The following CROCC2 variants were observed in gnomAD, a reference collection of about 807,000 sequenced individuals.
CROCC2 encodes the protein ciliary rootlet coiled-coil, rootletin family member 2, also known as ciliary rootlet coiled-coil protein 2.
In CROCC2, 163 loss-of-function variants were observed where a neutral mutation model predicts 177.6. The observed-to-expected ratio is 0.92, with a 90% CI of 0.81 to 1.05. The LOEUF (loss-of-function observed/expected upper bound fraction) is 1.05, where lower values mean the gene tolerates loss of function less well. CROCC2 is among the 50% of genes least tolerant of loss of function. The pLI is 0.00. For synonymous variants in CROCC2, 904 were observed against 787.3 expected, an observed-to-expected ratio of 1.15 and a Z score of -2.48; for missense variants, 1,929 against 1,797.8, an observed-to-expected ratio of 1.07 and a Z score of -1.32.
intron 1 of CROCC2, among the ~76,000 whole-genome samples, chr2:240,909,675 A>G (rs2059275303): frequency 1.3e-5 from 2 of 152,136 alleles, no homozygotes; most frequent in Admixed American, 1.3e-4. Flanking sequence ...TCTGCCCCCA[A>G]ATTCCCACTG....
At chr2:240,959,242 C>A (rs772771947) in intron 19 of CROCC2, 59 bp from the exon 20 acceptor site, 186 of 1,531,018 alleles carry the variant, frequency 1.2e-4, no homozygotes, top group Non-Finnish European at 1.5e-4. Context: ...GGCCTTACCT[C>A]ACCCTCCACT....
intron 2 of CROCC2, 104 bp from the exon 3 acceptor site, chr2:240,919,879 G>A (rs1559590003): frequency 1.7e-6 from 1 of 586,824 alleles, no homozygotes; most frequent in Non-Finnish European, 3.1e-6. Flanking sequence ...TCCAGCAGCT[G>A]GAGCCTGGTG....
intron 20 of CROCC2, among the ~76,000 whole-genome samples, chr2:240,962,428 C>A (rs1403331296): frequency 6.6e-6 from 1 of 151,980 alleles, no homozygotes; most frequent in Non-Finnish European, 1.5e-5. Context: ...ACCTTCTGGG[C>A]GGGTTTCTGC....
Position 240,949,543 on chromosome 2 carries a change from G to A in CROCC2, c.2493G>A (p.Glu831=), listed in dbSNP as rs1282356907. ...CCCATCACCCCACAGTGGAAATGGAGCAGCTACAAAGTGACTGGGAGGTCC... is the reference window on the plus strand; with the variant it reads ...CCCATCACCCCACAGTGGAAATGGAACAGCTACAAAGTGACTGGGAGGTCC... ...LARQALQVEM[E]QLQSDWEVQE... is the part of the protein sequence containing the mutation. The change falls in exon 17 of 32, where the codon GAG becomes GAA. Residue 831 remains glutamate, a synonymous_variant. Coordinates refer to ENST00000690015, the MANE Select transcript of CROCC2 (RefSeq NM_001351305.2). This position sits in a 1 kb window ranked among gnomAD's most constrained non-coding sequence, Gnocchi z 4.5. 31 of 1,550,278 alleles carry A rather than the reference G, an allele frequency of 2.0e-5. No homozygotes were observed. The highest frequency in any genetic ancestry group is 2.7e-5 in the Non-Finnish European group (31 of 1,146,824).
chr2:240,964,750 T>G, intron 22 of CROCC2, 125 bp downstream of exon 22: 1 of 1,222,200 alleles, frequency 8.2e-7, no homozygotes, highest in East Asian at 2.6e-5. Flanking sequence ...GTCCCCAGAC[T>G]TTGGGCCACG....
chr2:240,974,534 C>CTTTTT (rs61276773), intron 27 of CROCC2, among the ~76,000 whole-genome samples: 2 of 134,912 alleles, frequency 1.5e-5, no homozygotes, highest in Non-Finnish European at 1.6e-5. Context: ...TCTTTTTTTT[C>CTTTTT]TTTTTTTTTT....
At chr2:240,916,339 C>T (rs1443575399) in intron 1 of CROCC2, among the ~76,000 whole-genome samples, 1 of 151,282 alleles carries the variant, frequency 6.6e-6, no homozygotes, top group Non-Finnish European at 1.5e-5. Flanking sequence ...ACTCCAAAGT[C>T]GCGCCCACTC....
chr2:240,961,638 T>TCA (rs773502601), intron 20 of CROCC2, among the ~76,000 whole-genome samples: 1 of 117,354 alleles, frequency 8.5e-6, no homozygotes, highest in Non-Finnish European at 1.7e-5. Context: ...CACACGCTCA[T>TCA]CACACACGCT....
In CROCC2 at chr2:240,993,310, T is replaced by C. The variant is rs568306553; in HGVS notation, c.*229T>C. The C allele has an allele frequency of 1.9e-6, 1 of 520,786 alleles. No individual in the cohort carries two copies. Among genetic ancestry groups the C allele is most frequent in the East Asian group, 3.1e-5 (1 of 32,400 alleles). The allele number at this position is 520,786 out of a possible 1,614,324, so 32.3% of individuals were successfully genotyped here. A position where few individuals can be genotyped will look rare whatever the true frequency, so the allele number is the denominator to read the frequency against. ...ATTTTAATAAATAGTTGAATCAGCGTAGGAGATGCTATTTTAACTTATTCA... is the reference window on the plus strand; with the variant it reads ...ATTTTAATAAATAGTTGAATCAGCGCAGGAGATGCTATTTTAACTTATTCA... On this transcript the variant is annotated 3_prime_UTR_variant, in exon 32 of 32. Coordinates refer to ENST00000690015, the MANE Select transcript of CROCC2 (RefSeq NM_001351305.2).
chr2:240,915,926 A>G (rs4675851), intron 1 of CROCC2, among the ~76,000 whole-genome samples: 8,071 of 152,212 alleles, frequency 0.053, 437 homozygotes, highest in East Asian at 0.23. Context: ...GTTCCCTCCC[A>G]CTGCGAGGCC....
chr2:240,952,973 G>A (rs1002706837), intron 18 of CROCC2, among the ~76,000 whole-genome samples: 2 of 152,164 alleles, frequency 1.3e-5, no homozygotes, highest in African/African-American at 4.8e-5. Context: ...CAACACATCT[G>A]GGGAGTGGGT....
At chr2:240,909,864 G>A (rs1435898892) in intron 1 of CROCC2, among the ~76,000 whole-genome samples, 4 of 152,160 alleles carry the variant, frequency 2.6e-5, no homozygotes, top group Admixed American at 6.5e-5. Flanking sequence ...CAGCAGAACC[G>A]TAGGGACACT....
intron 28 of CROCC2, among the ~76,000 whole-genome samples, chr2:240,987,909 T>G (rs2059851093): frequency 6.6e-6 from 1 of 152,180 alleles, no homozygotes; most frequent in Non-Finnish European, 1.5e-5. Flanking sequence ...TGGGATCCCT[T>G]CCACACCAAC....
At position 240,972,738 on chromosome 2, in the gene CROCC2, C is replaced by T. The variant is rs1223089103; in HGVS notation, c.4401+4476C>T. On this transcript the variant is annotated intron_variant, in intron 27 of 31. Coordinates refer to ENST00000690015, the MANE Select transcript of CROCC2 (RefSeq NM_001351305.2). The surrounding 1 kb of genome is among the most constrained non-coding windows in gnomAD (Gnocchi z 7.1). ...TACAATTCTGGCAATTATTATTTCA[C>T]CCATTTTTAGGCCAAGTTGGTCTCA... is the stretch of plus-strand genomic sequence containing the variant. Among the ~76,000 whole-genome samples, 1 of 151,964 alleles carries T rather than the reference C, an allele frequency of 6.6e-6. No individual in the cohort carries two copies. Among genetic ancestry groups the T allele is most frequent in the Non-Finnish European group, 1.5e-5 (1 of 67,998 alleles).
chr2:240,941,992 T>C (rs2059497693), intron 14 of CROCC2, among the ~76,000 whole-genome samples: 2 of 152,186 alleles, frequency 1.3e-5, no homozygotes, highest in South Asian at 4.1e-4. Flanking sequence ...ATCCGGAAAA[T>C]GCAGCATCAA....
rs903270219 is a variant in CROCC2, at chr2:240,913,881, C to T, written c.79-4845C>T. Among the ~76,000 whole-genome samples the T allele has an allele frequency of 4.6e-5, 7 of 152,236 alleles. 1 individual carries two copies. The highest frequency in any genetic ancestry group is 3.8e-4 in the East Asian group (2 of 5,196). On this transcript the variant is annotated intron_variant, in intron 1 of 31. Transcript: ENST00000690015. ...TGCGGCGGGCCGGGCTGCGGAAGGACGGCAAGCAGACGTCCGGTGGCTGGA... is the reference window on the plus strand; with the variant it reads ...TGCGGCGGGCCGGGCTGCGGAAGGATGGCAAGCAGACGTCCGGTGGCTGGA...
chr2:240,933,133 G>C lies in CROCC2; in HGVS notation c.1254G>C (p.Glu418Asp), dbSNP rs1249166983. 6.5e-7 allele frequency: 1 copy of C among 1,550,056 alleles called. No homozygotes were observed. The highest frequency in any genetic ancestry group is 1.4e-5 in the African/African-American group (1 of 73,060). ...AIERRWRREQ[E>D]LCLQLKSSQA... ...CACAACTTACCCCACCCGAGCAGGA[G>C]CTGTGCCTGCAGCTGAAGTCCTCCC... Residue 418 changes from glutamate (E) to aspartate (D), a missense_variant and splice_region_variant, in exon 10 of 32, where the codon GAG (glutamate) becomes GAC (aspartate). Coordinates refer to ENST00000690015, the MANE Select transcript of CROCC2 (RefSeq NM_001351305.2).
In CROCC2 at chr2:240,932,694, C is replaced by A. The variant is rs951613845; in HGVS notation, c.1045-8C>A. 2.7e-6 allele frequency: 2 copies of A among 739,110 alleles called. No individual in the cohort carries two copies. The highest frequency in any genetic ancestry group is 3.5e-5 in the African/African-American group (2 of 57,642). The allele number at this position is 739,110 out of a possible 1,614,324, so 45.8% of individuals were successfully genotyped here. A position where few individuals can be genotyped will look rare whatever the true frequency, so the allele number is the denominator to read the frequency against. On this transcript the variant is annotated splice_polypyrimidine_tract_variant and splice_region_variant and intron_variant, in intron 8 of 31. Coordinates refer to ENST00000690015, the MANE Select transcript of CROCC2 (RefSeq NM_001351305.2). ...GCCCCTCTATCCCTTCCTCTCTGCA[C>A]CTTGAAGGTGGCCCAGGAGGACGCC...
rs1224636412 is a variant in CROCC2, at chr2:240,989,743, G to A, written c.4773G>A (p.Glu1591=). ...QHQRDLATEA[E]RLHGARPQAT... ...AGCGGGACCTGGCCACAGAGGCAGAGCGTCTCCATGGGGCCCGGCCGCAGG... is the reference window on the plus strand; with the variant it reads ...AGCGGGACCTGGCCACAGAGGCAGAACGTCTCCATGGGGCCCGGCCGCAGG... Residue 1591 remains glutamate, a synonymous_variant, in exon 30 of 32, where the codon GAG becomes GAA. Coordinates refer to ENST00000690015, the MANE Select transcript of CROCC2 (RefSeq NM_001351305.2). 6 of 1,550,264 alleles carry A rather than the reference G, an allele frequency of 3.9e-6. No individual in the cohort carries two copies. The Admixed American group carries it at 7.8e-5, about 20-fold the overall frequency.
Sources: gnomAD v4.1 joint callset for allele counts (sites outside exome capture counted in the v4.1 genomes callset) on GRCh38, gnomAD v4.1.1 for gene constraint, Gnocchi (gnomAD v3.1) non-coding constraint, MANE v1.5 for transcripts, NCBI Gene and HGNC (gene_info 2026-07-23, HGNC 2026-07-21) for gene names.